Variants in HAUS4 observed in about 807,000 individuals in gnomAD.
The protein encoded by HAUS4 is HAUS augmin like complex subunit 4.
Under a neutral mutation model 50.6 loss-of-function variants are expected in HAUS4, and 34 were observed. That is an observed-to-expected ratio of 0.67 (90% CI 0.51 to 0.90). The LOEUF is 0.90. HAUS4 is among the 40% of genes least tolerant of loss of function. The pLI is 0.00. For missense variants in HAUS4, 370 were observed against 428.7 expected, an observed-to-expected ratio of 0.86 and a Z score of 1.21; for synonymous variants, 149 against 161.4, an observed-to-expected ratio of 0.92 and a Z score of 0.58.
chr14:22,953,725 A>G (rs1425819934), intron 2 of HAUS4, among the ~76,000 whole-genome samples: 1 of 149,594 alleles, frequency 6.7e-6, no homozygotes, highest in Non-Finnish European at 1.5e-5. Flanking sequence ...GATTCACGCC[A>G]TTCTCCTGCC....
chr14:22,949,138 CA>C (rs1555355852), intron 6 of HAUS4, among the ~76,000 whole-genome samples: 8 of 116,780 alleles, frequency 6.9e-5, no homozygotes, highest in Admixed American at 2.9e-4. Context: ...GCCTGGGCGA[CA>C]AGAATGAAAC....
Position 22,951,602 on chromosome 14 carries a change from G to T in HAUS4, c.418C>A (p.Leu140Met). 4.3e-6 allele frequency: 7 copies of T among 1,614,028 alleles called. No homozygotes were observed. The highest frequency in any genetic ancestry group is 5.9e-6 in the Non-Finnish European group (7 of 1,179,972). ...AGAAGGTCCGCTTTCTCCAGCCCCAGCAGTGGAGGTATCTCCCTCTCCTGG... is the reference window on the plus strand; with the variant it reads ...AGAAGGTCCGCTTTCTCCAGCCCCATCAGTGGAGGTATCTCCCTCTCCTGG... Reference protein sequence around the residue: ...PSQEREIPPLLGLEKADLLEL... With the variant: ...PSQEREIPPLMGLEKADLLEL... Residue 140 changes from leucine to methionine, a missense_variant, in exon 5 of 10, where the codon CTG becomes ATG. Physicochemically the swap from Leu to Met is conservative, Grantham distance 15. Transcript: ENST00000541587.
At chr14:22,948,085 C>A in intron 6 of HAUS4, 72 bp from the exon 7 acceptor site, 2 of 1,400,936 alleles carry the variant, frequency 1.4e-6, no homozygotes, top group Non-Finnish European at 9.6e-7. Context: ...CCTTCCAGTG[C>A]CCCTATCCTG....
At chr14:22,949,794 T>A (rs8020125) in intron 6 of HAUS4, among the ~76,000 whole-genome samples, 3 of 151,944 alleles carry the variant, frequency 2.0e-5, no homozygotes, top group Non-Finnish European at 4.4e-5. Flanking sequence ...AGGAGGACAC[T>A]CCCACTCAGT....
At position 22,953,277 on chromosome 14, in the gene HAUS4, G is replaced by A. The variant is rs138464496; in HGVS notation, c.56-594C>T. Among the ~76,000 whole-genome samples, 850 of 151,824 alleles carry A rather than the reference G, an allele frequency of 5.6e-3. 5 individuals carry two copies. Among genetic ancestry groups the A allele is most frequent in the African/African-American group, 0.019 (793 of 41,386 alleles). ...CGATCCTTCCACCTCCTGAGGAGCT[G>A]AGACTACAAGGCAAACCACGATGAC... On this transcript the variant is annotated intron_variant, in intron 2 of 9. Coordinates refer to ENST00000541587, the MANE Select transcript of HAUS4 (RefSeq NM_001166269.2).
chr14:22,947,399 T>C (rs2044664714), intron 8 of HAUS4, 160 bp from the exon 9 acceptor site: 4 of 725,004 alleles, frequency 5.5e-6, no homozygotes, highest in Non-Finnish European at 9.4e-6. Flanking sequence ...CACAGTAAAG[T>C]GCCTATTTCA....
At position 22,951,685 on chromosome 14, in the gene HAUS4, T is replaced by A. The variant is rs771220440; in HGVS notation, c.335A>T (p.His112Leu). ...AAGCAGCCGCTGTTCAAGGGTCTCA[T>A]GAAACTGAGAGAGAGAGAATAAAAA... ...TNVTSEDKKFHETLEQRLLVT... is the reference protein window; with the variant it reads ...TNVTSEDKKFLETLEQRLLVT... The change falls in exon 5 of 10, where the codon CAT becomes CTT. Residue 112 changes from histidine (H) to leucine (L), a missense_variant. Transcript: ENST00000541587. 9 of 1,603,176 alleles carry A rather than the reference T, an allele frequency of 5.6e-6. No homozygotes were observed. Among genetic ancestry groups the A allele is most frequent in the Non-Finnish European group, 7.7e-6 (9 of 1,175,688 alleles).
At chr14:22,947,802 T>C in intron 7 of HAUS4, 66 bp downstream of exon 7, 2 of 1,610,814 alleles carry the variant, frequency 1.2e-6, no homozygotes, top group Non-Finnish European at 1.7e-6. Flanking sequence ...CAGGAATCTT[T>C]GTCTTCCCCA....
At chr14:22,950,794 G>C (rs551590592) in intron 5 of HAUS4, among the ~76,000 whole-genome samples, 6 of 152,260 alleles carry the variant, frequency 3.9e-5, no homozygotes, top group African/African-American at 1.4e-4. Context: ...CAGCAAAAAT[G>C]TGGAAACAAC....
rs752763125 is a variant in HAUS4, at chr14:22,946,502, A to G, written c.*23T>C. On this transcript the variant is annotated 3_prime_UTR_variant, in exon 10 of 10. Transcript: ENST00000541587. The stretch of plus-strand genomic sequence containing the variant: ...AGGAGGCAGCAGCTATGCAGAAGCC[A>G]TGTCTCCTGGCCCTGCCAGAGCTCA... 1 of 1,594,000 alleles carries G rather than the reference A, an allele frequency of 6.3e-7. No homozygotes were observed. The highest frequency in any genetic ancestry group is 8.6e-7 in the Non-Finnish European group (1 of 1,167,798).
Position 22,947,255 on chromosome 14 carries a change from A to C in HAUS4, c.840-16T>G. 2 of 1,555,794 alleles carry C rather than the reference A, an allele frequency of 1.3e-6. No homozygotes were observed. The highest frequency in any genetic ancestry group is 1.8e-6 in the Non-Finnish European group (2 of 1,126,852). On this transcript the variant is annotated splice_polypyrimidine_tract_variant and intron_variant, in intron 8 of 9. Transcript: ENST00000541587. Reference sequence around the variant, plus strand: ...CTCCTCCATCCTGACAGAGGGAAGAAAGAAATGTCAAGGCAGGAAGGTCCC... The same window carrying C: ...CTCCTCCATCCTGACAGAGGGAAGACAGAAATGTCAAGGCAGGAAGGTCCC...
Position 22,947,193 on chromosome 14 carries a change from C to T in HAUS4, c.886G>A (p.Val296Met). The part of the protein sequence containing the change: ...ILSDTYTVEK[V>M]EVHRLIRDRL... ...CACCTAATCAGACGATGAACTTCCA[C>T]TTTCTCAACAGTGTAAGTGTCGGAC... The change falls in exon 9 of 10, where the codon GTG becomes ATG. Residue 296 changes from valine to methionine, a missense_variant. Physicochemically the swap from Val to Met is conservative, Grantham distance 21 (BLOSUM62 1). Transcript: ENST00000541587. 2 of 1,606,404 alleles carry T rather than the reference C, an allele frequency of 1.2e-6. No homozygotes were observed. The highest frequency in any genetic ancestry group is 1.7e-6 in the Non-Finnish European group (2 of 1,173,274).
At chr14:22,951,743 T>G (rs2044757111) in intron 4 of HAUS4, 54 bp from the exon 5 acceptor site, 1 of 1,494,820 alleles carries the variant, frequency 6.7e-7, no homozygotes, top group Non-Finnish European at 9.1e-7. Context: ...CTTCTCCCAC[T>G]CCACCTCTTC....
intron 9 of HAUS4, 45 bp from the exon 10 acceptor site, chr14:22,946,753 T>C: frequency 4.8e-6 from 5 of 1,035,704 alleles, no homozygotes; most frequent in Non-Finnish European, 7.1e-6. Context: ...GTGCTGCTCC[T>C]CAGAAAGTAG....
chr14:22,956,742 T>G (rs1012339667), intron 1 of HAUS4, 174 bp downstream of exon 1: 2 of 152,624 alleles, frequency 1.3e-5, no homozygotes, highest in African/African-American at 4.8e-5. Context: ...GATATGACCC[T>G]TACAGGGCCC....
At chr14:22,952,019 T>C (rs895692210) in intron 4 of HAUS4, among the ~76,000 whole-genome samples, 2 of 152,176 alleles carry the variant, frequency 1.3e-5, no homozygotes, top group Admixed American at 6.5e-5. Context: ...CTCATTTCTT[T>C]CACCTCACTT....
At position 22,951,367 on chromosome 14, in the gene HAUS4, A is replaced by G. The variant is rs2044749449; in HGVS notation, c.465+188T>C. On this transcript the variant is annotated intron_variant, in intron 5 of 9. Transcript: ENST00000541587. ...TTTATGTCAAGCTGTTTATAATAAT[A>G]TTGTGCTTCTAGATGCAGTATTTCA... 1.4e-5 allele frequency: 9 copies of G among 646,530 alleles called. No individual in the cohort carries two copies. The South Asian group carries it at 1.5e-4, about 11-fold the overall frequency. The allele number at this position is 646,530 out of a possible 1,614,324, so 40.0% of individuals were successfully genotyped here.
intron 6 of HAUS4, among the ~76,000 whole-genome samples, chr14:22,948,643 C>A (rs1046809114): frequency 2.6e-5 from 4 of 151,736 alleles, no homozygotes; most frequent in Non-Finnish European, 4.4e-5. Context: ...TCAACCAATT[C>A]TCCTGCCTCA....
At chr14:22,948,440 TA>T (rs35960690) in intron 6 of HAUS4, among the ~76,000 whole-genome samples, 41,943 of 76,340 alleles carry the variant, frequency 0.55, 10,470 homozygotes, top group East Asian at 0.78. Context: ...ACAGAGTTTT[TA>T]AAAAAAAAAA....
Sources: gnomAD v4.1 joint callset for allele counts (sites outside exome capture counted in the v4.1 genomes callset) on GRCh38, gnomAD v4.1.1 for gene constraint, MANE v1.5 for transcripts, NCBI Gene and HGNC (gene_info 2026-07-23, HGNC 2026-07-21) for gene names.